Variants in GSK3B observed in about 807,000 individuals in gnomAD.
GSK3B encodes glycogen synthase kinase 3 beta.
Under a neutral mutation model 56.4 loss-of-function variants are expected in GSK3B, and 15 were observed. The ratio of observed to expected loss-of-function variants is 0.27; its 90% confidence interval spans 0.18 to 0.41. The LOEUF (loss-of-function observed/expected upper bound fraction) is 0.41. GSK3B is among the 10% of genes least tolerant of loss of function. The pLI is 1.00. For synonymous variants in GSK3B, 181 were observed against 188.9 expected, an observed-to-expected ratio of 0.96 and a Z score of 0.34; for missense variants, 300 against 513.4, an observed-to-expected ratio of 0.58 and a Z score of 4.02.
chr3:119,898,737 T>G (rs992792707), intron 7 of GSK3B, among the ~76,000 whole-genome samples: 4 of 152,134 alleles, frequency 2.6e-5, no homozygotes, highest in African/African-American at 9.7e-5. Context: ...AGACTCCCAG[T>G]GGATGCCTGA....
chr3:119,840,219 C>T (rs879927462), intron 10 of GSK3B, among the ~76,000 whole-genome samples: 9 of 94,970 alleles, frequency 9.5e-5, no homozygotes, highest in Middle Eastern at 5.6e-3. Flanking sequence ...TGTCTGATGC[C>T]GAGAATTTTT....
Position 119,833,446 on chromosome 3 carries a change from T to C in GSK3B, c.1196-6591A>G, listed in dbSNP as rs73854725. On this transcript the variant is annotated intron_variant, in intron 10 of 10. Transcript: ENST00000264235. ...GCAGCAACCACAGAAATGTTCTATT[T>C]ATATTCTCTAATATAGTAGCTGCTA... 5.0e-3 allele frequency among the ~76,000 whole-genome samples: 756 copies of C among 152,302 alleles called. 3 individuals carry two copies. The highest frequency in any genetic ancestry group is 0.017 in the African/African-American group (707 of 41,558).
intron 2 of GSK3B, among the ~76,000 whole-genome samples, chr3:119,996,228 G>A (rs1449828233): frequency 1.3e-5 from 2 of 152,180 alleles, no homozygotes; most frequent in Non-Finnish European, 2.9e-5. Flanking sequence ...TAAGTTGCAA[G>A]TTTCAAGTGT....
chr3:119,846,290 T>A (rs1300912053), intron 9 of GSK3B, among the ~76,000 whole-genome samples: 1 of 152,132 alleles, frequency 6.6e-6, no homozygotes, highest in Non-Finnish European at 1.5e-5. Flanking sequence ...AAAGCCAAAA[T>A]TGACAAATGG....
At chr3:119,941,735 A>G (rs1256219880) in intron 3 of GSK3B, among the ~76,000 whole-genome samples, 1 of 152,254 alleles carries the variant, frequency 6.6e-6, no homozygotes, top group Admixed American at 6.5e-5. Context: ...TATGCCAGGT[A>G]CTATAATGAG....
intron 1 of GSK3B, among the ~76,000 whole-genome samples, chr3:120,071,669 G>A (rs1378734111): frequency 1.3e-5 from 2 of 152,174 alleles, no homozygotes; most frequent in East Asian, 3.9e-4. Flanking sequence ...ACAAGCTCAG[G>A]GCTCCTACTG....
At chr3:119,921,641 G>C (rs2056840913) in intron 4 of GSK3B, among the ~76,000 whole-genome samples, 1 of 152,014 alleles carries the variant, frequency 6.6e-6, no homozygotes. Flanking sequence ...TCAAGAGAGA[G>C]AAAAAGAGAA....
chr3:119,954,617 C>A (rs1356277632), intron 2 of GSK3B, among the ~76,000 whole-genome samples: 1 of 151,994 alleles, frequency 6.6e-6, no homozygotes, highest in Non-Finnish European at 1.5e-5. Flanking sequence ...AAAATGACTA[C>A]CCAAGATGGA....
intron 2 of GSK3B, among the ~76,000 whole-genome samples, chr3:119,966,538 G>A (rs1229094997): frequency 1.3e-5 from 2 of 152,136 alleles, no homozygotes; most frequent in African/African-American, 4.8e-5. Flanking sequence ...TAGTACTGAT[G>A]GAAAAGAGGC....
chr3:120,014,191 C>T (rs917377040), intron 1 of GSK3B, among the ~76,000 whole-genome samples: 1 of 151,194 alleles, frequency 6.6e-6, no homozygotes, highest in Admixed American at 6.6e-5. Context: ...AGATGTTGGG[C>T]TAGACACAGT....
At chr3:119,965,232 T>TC (rs2057308726) in intron 2 of GSK3B, among the ~76,000 whole-genome samples, 1 of 150,960 alleles carries the variant, frequency 6.6e-6, no homozygotes, top group Non-Finnish European at 1.5e-5. Context: ...TTTGTATTTT[T>TC]TTTTTTTTTT....
At chr3:119,854,609 T>C (rs2055990433) in intron 9 of GSK3B, among the ~76,000 whole-genome samples, 1 of 152,212 alleles carries the variant, frequency 6.6e-6, no homozygotes, top group South Asian at 2.1e-4. Context: ...CTGTTATTGG[T>C]CTATTCAGGG....
intron 3 of GSK3B, among the ~76,000 whole-genome samples, chr3:119,928,360 C>T (rs1220690726): frequency 6.6e-6 from 1 of 152,006 alleles, no homozygotes; most frequent in Non-Finnish European, 1.5e-5. Context: ...AATCCCAGCA[C>T]TTTGGGAGGC....
At chr3:119,916,555 T>C (rs995053873) in intron 4 of GSK3B, among the ~76,000 whole-genome samples, 6 of 152,200 alleles carry the variant, frequency 3.9e-5, no homozygotes, top group Non-Finnish European at 8.8e-5. Flanking sequence ...TCAGTAACTT[T>C]GGGCCAGAAA....
intron 2 of GSK3B, among the ~76,000 whole-genome samples, chr3:119,968,464 G>T (rs1215479856): frequency 6.6e-6 from 1 of 152,190 alleles, no homozygotes; most frequent in Non-Finnish European, 1.5e-5. Context: ...ACGAGCAAGT[G>T]ACATTTATTC....
At chr3:119,900,812 T>C (rs570963201) in intron 7 of GSK3B, among the ~76,000 whole-genome samples, 2 of 152,248 alleles carry the variant, frequency 1.3e-5, no homozygotes, top group Admixed American at 6.6e-5. Flanking sequence ...TTTAAAAGTC[T>C]ACAAAGCAGT....
At position 119,905,856 on chromosome 3, in the gene GSK3B, A is replaced by G. The variant is rs1295410056; in HGVS notation, c.716-4T>C. Reference sequence around the variant, plus strand: ...ACACAGCCAGCAGACCATACATCTAAAGAGAAAAGAAAACGAAGCCTTATT... The same window carrying G: ...ACACAGCCAGCAGACCATACATCTAGAGAGAAAAGAAAACGAAGCCTTATT... On this transcript the variant is annotated splice_polypyrimidine_tract_variant and splice_region_variant and intron_variant, in intron 6 of 10. Transcript: ENST00000264235. 1 of 1,539,806 alleles carries G rather than the reference A, an allele frequency of 6.5e-7. No individual in the cohort carries two copies. Among genetic ancestry groups the G allele is most frequent in the South Asian group, 1.1e-5 (1 of 89,474 alleles).
Position 120,094,423 on chromosome 3 carries a change from G to C in GSK3B, c.-989C>G. The C allele has an allele frequency of 3.2e-6, 1 of 314,278 alleles. No individual in the cohort carries two copies. The allele number at this position is 314,278 out of a possible 1,614,324, so 19.5% of individuals were successfully genotyped here. ...GCGGCGGCGGCACAAGCCCGCATTCGCCCGGGTCAGGAGCTGCTCTGTGTG... is the reference window on the plus strand; with the variant it reads ...GCGGCGGCGGCACAAGCCCGCATTCCCCCGGGTCAGGAGCTGCTCTGTGTG... On this transcript the variant is annotated 5_prime_UTR_variant, in exon 1 of 11. Transcript: ENST00000264235.
intron 6 of GSK3B, among the ~76,000 whole-genome samples, chr3:119,911,449 T>C (rs894564482): frequency 6.6e-6 from 1 of 152,072 alleles, no homozygotes; most frequent in African/African-American, 2.4e-5. Context: ...CACTTAAAAG[T>C]CACCAGCTAC....
Sources: allele counts gnomAD v4.1 joint callset (sites outside exome capture counted in the v4.1 genomes callset), GRCh38; gene constraint gnomAD v4.1.1; transcripts MANE v1.5; gene names NCBI Gene and HGNC (gene_info 2026-07-23, HGNC 2026-07-21).